The following SLC6A6 variants were observed in gnomAD, a reference collection of about 807,000 sequenced individuals.
The protein encoded by SLC6A6 is solute carrier family 6 member 6.
In SLC6A6, 16 loss-of-function variants were observed where a neutral mutation model predicts 68.8. The ratio of observed to expected loss-of-function variants is 0.23; its 90% CI spans 0.16 to 0.35. SLC6A6 has a LOEUF of 0.35. SLC6A6 is among the 10% of genes least tolerant of loss of function. The pLI is 1.00. For missense variants in SLC6A6, 474 were observed against 802.8 expected (o/e 0.59, Z 4.95); for synonymous variants, 312 against 315.4 (o/e 0.99, Z 0.12).
At chr3:14,443,588 A>G in intron 2 of SLC6A6, 36 bp from the exon 3 acceptor site, 2 of 1,402,524 alleles carry the variant, frequency 1.4e-6, no homozygotes, top group East Asian at 2.3e-5. Flanking sequence ...GTGGTCCCTC[A>G]TCAGCTGCAG....
rs550301267 is a variant in SLC6A6, at chr3:14,459,759, C to G, written c.732+1677C>G. Reference sequence around the variant, plus strand: ...AGGTCAAGTGACTTGTCCAAGGTCACTTCCTCCTCTCTGAGCCTCAGTTTC... The same window carrying G: ...AGGTCAAGTGACTTGTCCAAGGTCAGTTCCTCCTCTCTGAGCCTCAGTTTC... On this transcript the variant is annotated intron_variant, in intron 6 of 14. Coordinates refer to ENST00000622186, the MANE Select transcript of SLC6A6 (RefSeq NM_003043.6). 2.0e-5 allele frequency among the ~76,000 whole-genome samples: 3 copies of G among 152,234 alleles called. No individual in the cohort carries two copies. In the East Asian group the frequency reaches 5.8e-4, roughly 29 times the overall value.
chr3:14,464,649 C>G (rs1242024609), intron 6 of SLC6A6, among the ~76,000 whole-genome samples: 1 of 152,216 alleles, frequency 6.6e-6, no homozygotes, highest in East Asian at 1.9e-4. Context: ...GTGGTGCCAG[C>G]TAGGTGAGGT....
chr3:14,463,405 G>A (rs1445887058), intron 6 of SLC6A6, among the ~76,000 whole-genome samples: 1 of 152,214 alleles, frequency 6.6e-6, no homozygotes, highest in Non-Finnish European at 1.5e-5. Flanking sequence ...CTAACTACGT[G>A]AAAACAAAGA....
chr3:14,445,727 C>T lies in SLC6A6; in HGVS notation c.240C>T (p.Leu80=). ...LCYKNGGGAF[L]IPYFIFLFGS... ...TTCTGCTCTCTGCAGGTGCGTTTCT[C>T]ATACCGTATTTTATTTTCCTGTTTG... Residue 80 remains leucine, a synonymous_variant, in exon 4 of 15, where the codon CTC becomes CTT. Transcript: ENST00000622186. The T allele has an allele frequency of 6.2e-7, 1 of 1,614,202 alleles. No individual in the cohort carries two copies. The highest frequency in any genetic ancestry group is 8.5e-7 in the Non-Finnish European group (1 of 1,180,012).
intron 2 of SLC6A6, among the ~76,000 whole-genome samples, chr3:14,436,531 C>CTTTTTTTTTTTTTTTTTTTTTTTT (rs58996264): frequency 1.8e-5 from 2 of 112,462 alleles, no homozygotes; most frequent in East Asian, 6.6e-4. Flanking sequence ...CAACAACTCC[C>CTTTTTTTTTTTTTTTTTTTTTTTT]TTTTTTTTTT....
At chr3:14,459,987 GCCATCCTCAAA>G (rs1281462739) in intron 6 of SLC6A6, among the ~76,000 whole-genome samples, 1 of 148,646 alleles carries the variant, frequency 6.7e-6, no homozygotes, top group Non-Finnish European at 1.5e-5. Flanking sequence ...CTGGGCTCAA[GCCATCCTCAAA>G]CCATCCTCCC....
intron 10 of SLC6A6, among the ~76,000 whole-genome samples, chr3:14,474,598 C>T (rs980999118): frequency 2.0e-5 from 3 of 152,188 alleles, no homozygotes; most frequent in Admixed American, 6.5e-5. Context: ...TGCAGTGTTG[C>T]AATGCCTGGG....
intron 5 of SLC6A6, among the ~76,000 whole-genome samples, chr3:14,451,902 G>T (rs928569336): frequency 2.0e-5 from 3 of 152,200 alleles, no homozygotes; most frequent in Non-Finnish European, 4.4e-5. Context: ...GTTGGTCTTG[G>T]TGACCCTCAA....
intron 5 of SLC6A6, among the ~76,000 whole-genome samples, chr3:14,448,362 G>A (rs7635390): frequency 0.26 from 38,929 of 152,026 alleles, 6,221 homozygotes; most frequent in East Asian, 0.46. Context: ...GAGCTTGGCT[G>A]GGCAGTTCTT....
At chr3:14,459,511 T>G (rs1559305857) in intron 6 of SLC6A6, among the ~76,000 whole-genome samples, 3 of 152,042 alleles carry the variant, frequency 2.0e-5, no homozygotes, top group Admixed American at 1.3e-4. Context: ...AGAACCACCC[T>G]GCCATCCTGA....
At chr3:14,458,174 CAAGA>C in intron 6 of SLC6A6, 92 bp downstream of exon 6, 4 of 1,213,228 alleles carry the variant, frequency 3.3e-6, no homozygotes, top group South Asian at 1.2e-5. Context: ...AGCCACGCCC[CAAGA>C]GGGAGGTGGC....
chr3:14,452,828 G>C (rs1449290151), intron 5 of SLC6A6, among the ~76,000 whole-genome samples: 2 of 152,214 alleles, frequency 1.3e-5, no homozygotes, highest in African/African-American at 4.8e-5. Context: ...TCTCCTTGCT[G>C]TCTGGGGTCA....
chr3:14,470,699 G>T (rs1700732145), intron 9 of SLC6A6, among the ~76,000 whole-genome samples: 1 of 152,128 alleles, frequency 6.6e-6, no homozygotes, highest in Non-Finnish European at 1.5e-5. Context: ...TGTTCTGTAG[G>T]GACCAGTGGG....
chr3:14,466,482 C>T, intron 6 of SLC6A6, 34 bp from the exon 7 acceptor site: 1 of 1,591,372 alleles, frequency 6.3e-7, no homozygotes, highest in Non-Finnish European at 8.6e-7. Flanking sequence ...GCAAGTGATG[C>T]CCATGGCCTC....
At chr3:14,408,288 C>G (rs1055442919) in intron 1 of SLC6A6, among the ~76,000 whole-genome samples, 1 of 152,054 alleles carries the variant, frequency 6.6e-6, no homozygotes, top group Non-Finnish European at 1.5e-5. Flanking sequence ...AAAGTACAAT[C>G]TGATCTTCAG....
At chr3:14,430,671 CAGAATT>C (rs1337710598) in intron 2 of SLC6A6, among the ~76,000 whole-genome samples, 2 of 152,212 alleles carry the variant, frequency 1.3e-5, no homozygotes, top group Admixed American at 1.3e-4. Context: ...GCCAACCTGA[CAGAATT>C]AGATATGAGC....
chr3:14,451,881 T>C (rs929849860), intron 5 of SLC6A6, among the ~76,000 whole-genome samples: 2 of 152,202 alleles, frequency 1.3e-5, no homozygotes, highest in African/African-American at 4.8e-5. Flanking sequence ...GCAGTGAGGA[T>C]ACCCTCGAAG....
chr3:14,462,576 G>A (rs1341935632), intron 6 of SLC6A6, among the ~76,000 whole-genome samples: 1 of 152,166 alleles, frequency 6.6e-6, no homozygotes. Context: ...GCGCGTACCT[G>A]TAGTCCCAGC....
At chr3:14,462,967 C>T (rs1362073617) in intron 6 of SLC6A6, among the ~76,000 whole-genome samples, 2 of 152,142 alleles carry the variant, frequency 1.3e-5, no homozygotes, top group African/African-American at 4.8e-5. Context: ...TGGGGAGATA[C>T]GTGGCCTGTA....
Sources: allele counts gnomAD v4.1 joint callset (sites outside exome capture counted in the v4.1 genomes callset), GRCh38; gene constraint gnomAD v4.1.1; transcripts MANE v1.5; gene names NCBI Gene and HGNC (gene_info 2026-07-23, HGNC 2026-07-21).